Variants in ADAMTSL1 observed in about 807,000 individuals in gnomAD.
ADAMTSL1 encodes ADAMTS-like protein 1.
A neutral mutation model predicts 201.8 loss-of-function variants in ADAMTSL1; 126 were observed. The observed-to-expected ratio is 0.62, with a 90% CI of 0.54 to 0.72. ADAMTSL1 has a LOEUF of 0.72. ADAMTSL1 is among the 30% of genes least tolerant of loss of function. The pLI, the probability that ADAMTSL1 is intolerant of heterozygous loss-of-function variation, is 0.00. For synonymous variants in ADAMTSL1, 1,121 were observed against 903.4 expected (o/e 1.24, Z -4.32); for missense variants, 2,679 against 2,277.8 (o/e 1.18, Z -3.59).
At position 18,008,562 on chromosome 9, in the gene ADAMTSL1, A is replaced by G. The variant is rs1256901386; in HGVS notation, c.87+101640A>G. 3.3e-5 allele frequency among the ~76,000 whole-genome samples: 5 copies of G among 151,946 alleles called. No individual in the cohort carries two copies. In the East Asian group the frequency reaches 9.8e-4, roughly 30 times the overall value. On this transcript the variant is annotated intron_variant, in intron 1 of 29. Coordinates refer to the ADAMTSL1 transcript ENST00000680146. ...ACACAACACAAATTACTCATGCAGA[A>G]GGAGCCACTCAGGTAGGCAGTGGGA... is the stretch of plus-strand genomic sequence containing the variant.
chr9:18,031,592 T>C (rs1308239549), intron 1 of ADAMTSL1, among the ~76,000 whole-genome samples: 1 of 152,224 alleles, frequency 6.6e-6, no homozygotes, highest in Non-Finnish European at 1.5e-5. Context: ...GATGCATATG[T>C]AGCAGTGCTC....
rs118070019 is a variant in ADAMTSL1, at chr9:18,328,742, A to G, written c.207+164761A>G. On this transcript the variant is annotated intron_variant, in intron 2 of 29. Coordinates refer to the ADAMTSL1 transcript ENST00000680146. ...AACACGTGGATGAGGAATAGTTTGTATAACTATGAGTTTTTAAAAGGCATC... is the reference window on the plus strand; with the variant it reads ...AACACGTGGATGAGGAATAGTTTGTGTAACTATGAGTTTTTAAAAGGCATC... 6.4e-3 allele frequency among the ~76,000 whole-genome samples: 979 copies of G among 152,338 alleles called. 4 individuals carry two copies. The highest frequency in any genetic ancestry group is 9.1e-3 in the Non-Finnish European group (619 of 68,038).
intron 4 of ADAMTSL1, among the ~76,000 whole-genome samples, chr9:18,588,878 C>CATATATATATATATATATAT (rs1314106191): frequency 9.7e-6 from 1 of 103,604 alleles, no homozygotes; most frequent in Non-Finnish European, 2.0e-5. Context: ...CATATATATA[C>CATATATATATATATATATAT]ATATACATAT....
chr9:18,542,734 T>C (rs1271864460), intron 3 of ADAMTSL1, among the ~76,000 whole-genome samples: 2 of 152,214 alleles, frequency 1.3e-5, no homozygotes. Flanking sequence ...TATTTTCTTA[T>C]GGCAACCCTA....
At chr9:18,250,326 A>C (rs1248078776) in intron 2 of ADAMTSL1, among the ~76,000 whole-genome samples, 1 of 152,186 alleles carries the variant, frequency 6.6e-6, no homozygotes, top group African/African-American at 2.4e-5. Flanking sequence ...ATCCAGTAAC[A>C]AGATGTGTAG....
chr9:18,103,404 A>G (rs1055980384), intron 1 of ADAMTSL1, among the ~76,000 whole-genome samples: 8 of 152,262 alleles, frequency 5.3e-5, no homozygotes, highest in Non-Finnish European at 7.3e-5. Context: ...TAATCTTTTC[A>G]GGGGATTTTT....
At chr9:18,461,659 C>T (rs1820811263) in intron 2 of ADAMTSL1, among the ~76,000 whole-genome samples, 1 of 152,124 alleles carries the variant, frequency 6.6e-6, no homozygotes, top group African/African-American at 2.4e-5. Flanking sequence ...AAGGCAGTAT[C>T]TTGCCCTAAC....
At chr9:18,504,091 C>G (rs1822993284) in intron 1 of ADAMTSL1, among the ~76,000 whole-genome samples, 1 of 151,822 alleles carries the variant, frequency 6.6e-6, no homozygotes, top group African/African-American at 2.4e-5. Context: ...TTCAAGGACT[C>G]GTAATAAAAA....
intron 1 of ADAMTSL1, among the ~76,000 whole-genome samples, chr9:17,979,770 CT>C (rs1350285342): frequency 6.6e-6 from 1 of 152,128 alleles, no homozygotes; most frequent in African/African-American, 2.4e-5. Context: ...TCCAGACTGG[CT>C]TCAATAGTGA....
intron 1 of ADAMTSL1, among the ~76,000 whole-genome samples, chr9:18,133,535 A>T (rs1251470560): frequency 2.0e-5 from 3 of 152,208 alleles, no homozygotes; most frequent in Admixed American, 2.0e-4. Flanking sequence ...CACATTTAGA[A>T]CACGTTAAAT....
At chr9:18,681,653 C>T (rs1182597581) in intron 11 of ADAMTSL1, among the ~76,000 whole-genome samples, 159 bp from the exon 12 acceptor site, 1 of 119,374 alleles carries the variant, frequency 8.4e-6, no homozygotes, top group African/African-American at 3.3e-5. Flanking sequence ...ACAAAGATCC[C>T]TTGACTGGTA....
chr9:18,579,652 C>A (rs1336728551), intron 4 of ADAMTSL1, among the ~76,000 whole-genome samples: 2 of 152,100 alleles, frequency 1.3e-5, no homozygotes, highest in South Asian at 2.1e-4. Context: ...ACGAAAGGGG[C>A]ACTGACTTCC....
chr9:18,584,928 TACTC>T (rs1823382735), intron 4 of ADAMTSL1, among the ~76,000 whole-genome samples: 1 of 152,228 alleles, frequency 6.6e-6, no homozygotes, highest in Non-Finnish European at 1.5e-5. Context: ...TATTATAACT[TACTC>T]AGTCTCAGGT....
At chr9:18,194,085 G>A (rs894664338) in intron 2 of ADAMTSL1, among the ~76,000 whole-genome samples, 1 of 152,030 alleles carries the variant, frequency 6.6e-6, no homozygotes, top group East Asian at 1.9e-4. Context: ...TGGAGTGATA[G>A]TGAAACTGTA....
intron 2 of ADAMTSL1, among the ~76,000 whole-genome samples, chr9:18,428,712 C>A (rs977784536): frequency 4.6e-5 from 7 of 152,214 alleles, no homozygotes; most frequent in Non-Finnish European, 1.0e-4. Context: ...ATGAGGCAAT[C>A]TACATGATTT....
At chr9:18,286,216 C>T (rs937595373) in intron 2 of ADAMTSL1, among the ~76,000 whole-genome samples, 19 of 152,246 alleles carry the variant, frequency 1.2e-4, no homozygotes, top group African/African-American at 4.3e-4. Flanking sequence ...AATTGTTTAA[C>T]GTGGTCTATA....
chr9:18,099,466 TC>T (rs1184266556), intron 1 of ADAMTSL1, among the ~76,000 whole-genome samples: 4 of 148,704 alleles, frequency 2.7e-5, no homozygotes, highest in Non-Finnish European at 5.9e-5. Flanking sequence ...ATATGAAACT[TC>T]TTTTTTTTAA....
At chr9:18,181,165 C>T (rs986637202) in intron 2 of ADAMTSL1, among the ~76,000 whole-genome samples, 1 of 152,172 alleles carries the variant, frequency 6.6e-6, no homozygotes, top group African/African-American at 2.4e-5. Context: ...AAATGTTAGA[C>T]CTAAAACCAT....
At chr9:18,769,221 C>A (rs12353465) in intron 16 of ADAMTSL1, among the ~76,000 whole-genome samples, 1,882 of 152,266 alleles carry the variant, frequency 0.012, 42 homozygotes, top group African/African-American at 0.043. Flanking sequence ...ATTCTGAGTA[C>A]AACTTACTAA....
Sources: allele counts gnomAD v4.1 joint callset (sites outside exome capture counted in the v4.1 genomes callset), GRCh38; gene constraint gnomAD v4.1.1; transcripts MANE v1.5; gene names NCBI Gene and HGNC (gene_info 2026-07-23, HGNC 2026-07-21).